The following LMF1 variants were observed in gnomAD, a reference collection of about 807,000 sequenced individuals.
The protein encoded by LMF1 is lipase maturation factor 1, also known as transmembrane protein 112.
In LMF1, 68 loss-of-function variants were observed where a neutral mutation model predicts 60.6. The ratio of observed to expected loss-of-function variants is 1.12; its 90% CI spans 0.92 to 1.37. The LOEUF (loss-of-function observed/expected upper bound fraction) is 1.37. LMF1 is among the 40% of genes most tolerant of loss of function. The pLI, the probability that LMF1 is intolerant of heterozygous loss-of-function variation, is 0.00. For missense variants in LMF1, 948 were observed against 767.2 expected (o/e 1.24, Z -2.78); for synonymous variants, 418 against 324.7 (o/e 1.29, Z -3.09).
chr16:914,181 G>A (rs2151758570), intron 3 of LMF1, among the ~76,000 whole-genome samples: 1 of 152,044 alleles, frequency 6.6e-6, no homozygotes, highest in South Asian at 2.1e-4. Context: ...TCCTAGGAGG[G>A]GAGATAACAT....
At position 868,929 on chromosome 16, in the gene LMF1, G is replaced by C. The variant is rs767108211; in HGVS notation, c.1529+15C>G. 34 of 1,547,364 alleles carry C rather than the reference G, an allele frequency of 2.2e-5. No homozygotes were observed. The highest frequency in any genetic ancestry group is 3.0e-5 in the Non-Finnish European group (34 of 1,122,760). ...TGGGGGAGACCCCTGAGCAGCGGCA[G>C]GGAGGGCATCCTACCTGGGCGGGGG... On this transcript the variant is annotated intron_variant, in intron 10 of 10. Coordinates refer to ENST00000262301, the MANE Select transcript of LMF1 (RefSeq NM_022773.4).
Position 954,635 on chromosome 16 carries a change from G to A in LMF1, c.225C>T (p.Asn75=), listed in dbSNP as rs145036605. The A allele has an allele frequency of 5.6e-5, 90 of 1,603,982 alleles. No homozygotes were observed. The East Asian group carries it at 1.9e-3, about 34-fold the overall frequency. Residue 75 remains asparagine (N), a synonymous_variant, in exon 2 of 11, where the codon AAC becomes AAT. Coordinates refer to ENST00000262301, the MANE Select transcript of LMF1 (RefSeq NM_022773.4). The stretch of plus-strand genomic sequence containing the variant: ...GCCCCCTGTCACCGATGAGCTGCTT[G>A]TTCTGATGGAAAGCCACCAGGAATG... ...FVAFLVAFHQ[N]KQLIGDRGLL...
chr16:979,934 C>G (rs113298737), intron 1 of LMF1: 1 of 360,390 alleles, frequency 2.8e-6, no homozygotes, highest in Non-Finnish European at 5.6e-6. Context: ...GGACCCCGAG[C>G]GGAGGGCAGG....
chr16:952,919 C>T (rs1368261216), intron 2 of LMF1, among the ~76,000 whole-genome samples: 1 of 123,060 alleles, frequency 8.1e-6, no homozygotes, highest in African/African-American at 3.6e-5. Flanking sequence ...TCCTACACGT[C>T]CACACAGACA....
intron 1 of LMF1, among the ~76,000 whole-genome samples, chr16:967,321 G>A (rs2072944578): frequency 6.6e-6 from 1 of 152,264 alleles, no homozygotes; most frequent in African/African-American, 2.4e-5. Context: ...GGAACGCCGG[G>A]CCACAACGTC....
intron 4 of LMF1, chr16:905,336 C>A: frequency 9.8e-6 from 1 of 101,938 alleles, no homozygotes; most frequent in Non-Finnish European, 2.0e-5. Flanking sequence ...ACAGGACGCC[C>A]GTCTCTGCTG....
intron 2 of LMF1, among the ~76,000 whole-genome samples, chr16:942,900 GT>G (rs551951647): frequency 5.3e-5 from 8 of 152,166 alleles, no homozygotes; most frequent in Non-Finnish European, 8.8e-5. Context: ...AGCTCTGCTC[GT>G]TTCAATCTTT....
intron 2 of LMF1, among the ~76,000 whole-genome samples, chr16:944,871 T>C (rs1464179547): frequency 6.6e-6 from 1 of 152,072 alleles, no homozygotes; most frequent in African/African-American, 2.4e-5. Context: ...TTGATGATTA[T>C]GGGATGTACT....
chr16:967,057 G>A (rs1215053618), intron 1 of LMF1, among the ~76,000 whole-genome samples: 2 of 152,220 alleles, frequency 1.3e-5, no homozygotes, highest in Non-Finnish European at 2.9e-5. Flanking sequence ...CACCTGCAAG[G>A]CTGTCCTTCC....
chr16:909,497 TGAGCCACGCTACACA>T (rs1407191228), intron 4 of LMF1, among the ~76,000 whole-genome samples: 7 of 151,852 alleles, frequency 4.6e-5, no homozygotes, highest in East Asian at 1.9e-4. Context: ...TGCGCTATAC[TGAGCCACGCTACACA>T]GAGCCACGCT....
intron 3 of LMF1, among the ~76,000 whole-genome samples, chr16:923,554 T>C (rs1337142865): frequency 6.6e-6 from 1 of 152,164 alleles, no homozygotes; most frequent in Non-Finnish European, 1.5e-5. Context: ...GAGACTAGCC[T>C]GAGCAACAGA....
chr16:978,337 A>G (rs539598537), intron 1 of LMF1, among the ~76,000 whole-genome samples: 1 of 138,800 alleles, frequency 7.2e-6, no homozygotes, highest in Non-Finnish European at 1.5e-5. Flanking sequence ...CACATTACAT[A>G]CCATACAAAC....
intron 5 of LMF1, among the ~76,000 whole-genome samples, chr16:882,490 A>G (rs1323047651): frequency 6.6e-6 from 1 of 152,266 alleles, no homozygotes; most frequent in African/African-American, 2.4e-5. Context: ...CGGGAGATGC[A>G]CTAGGTTCCA....
intron 2 of LMF1, among the ~76,000 whole-genome samples, chr16:937,043 A>G (rs1597032635): frequency 6.6e-6 from 1 of 152,200 alleles, no homozygotes; most frequent in African/African-American, 2.4e-5. Context: ...CAGGGCCACC[A>G]AAATACAAGC....
At chr16:943,726 CAAAAAAAAAAA>C (rs3057499) in intron 2 of LMF1, among the ~76,000 whole-genome samples, 1 of 56,840 alleles carries the variant, frequency 1.8e-5, no homozygotes, top group African/African-American at 6.8e-5. Flanking sequence ...GACTCTGTCT[CAAAAAAAAAAA>C]AAAAAAAAAA....
At chr16:976,393 C>A (rs1408987347) in intron 1 of LMF1, 40 of 454,004 alleles carry the variant, frequency 8.8e-5, no homozygotes, top group Non-Finnish European at 1.6e-4. Flanking sequence ...GTACACGGCA[C>A]AGCTGTACTG....
At position 942,417 on chromosome 16, in the gene LMF1, T is replaced by C. The variant is rs535863045; in HGVS notation, c.504-8163A>G. The stretch of plus-strand genomic sequence containing the variant: ...TACAGTGTGCTGAGCTTCTTGGATT[T>C]ACACATTTATATCATTCAGCTATTA... On this transcript the variant is annotated intron_variant, in intron 2 of 10. Transcript: ENST00000262301. Among the ~76,000 whole-genome samples the C allele has an allele frequency of 2.0e-5, 3 of 152,406 alleles. No homozygotes were observed. In the East Asian group the frequency reaches 5.8e-4, roughly 29 times the overall value.
chr16:875,399 C>A (rs773846706), intron 6 of LMF1, among the ~76,000 whole-genome samples: 1 of 152,240 alleles, frequency 6.6e-6, no homozygotes, highest in East Asian at 1.9e-4. Flanking sequence ...CAGGTTCCTG[C>A]GTTCTGAATA....
intron 1 of LMF1, among the ~76,000 whole-genome samples, chr16:967,520 C>T (rs2072950121): frequency 6.6e-6 from 1 of 152,212 alleles, no homozygotes; most frequent in South Asian, 2.1e-4. Context: ...ACTGCCCCTA[C>T]ACACCAAGAA....
Sources: gnomAD v4.1 joint callset for allele counts (sites outside exome capture counted in the v4.1 genomes callset) on GRCh38, gnomAD v4.1.1 for gene constraint, MANE v1.5 for transcripts, NCBI Gene and HGNC (gene_info 2026-07-23, HGNC 2026-07-21) for gene names.